Variants in SLC37A2 observed in about 807,000 individuals in gnomAD.
SLC37A2 encodes glucose-6-phosphate exchanger SLC37A2.
A neutral mutation model predicts 70.7 loss-of-function variants in SLC37A2; 59 were observed. The observed-to-expected ratio is 0.83, with a 90% confidence interval of 0.68 to 1.04. The LOEUF (loss-of-function observed/expected upper bound fraction) is 1.04. Ranked by LOEUF, SLC37A2 falls within the 50% of genes least tolerant of loss-of-function variation. SLC37A2 has a pLI of 0.00. For synonymous variants in SLC37A2, 257 were observed against 262.1 expected (o/e 0.98, Z 0.19); for missense variants, 580 against 658.1 (o/e 0.88, Z 1.30).
intron 1 of SLC37A2, among the ~76,000 whole-genome samples, chr11:125,074,735 A>C (rs1361834701): frequency 6.6e-6 from 1 of 152,136 alleles, no homozygotes; most frequent in Non-Finnish European, 1.5e-5. Flanking sequence ...CTGGCTTCCT[A>C]GTCAACACCA....
chr11:125,066,607 G>T (rs535574706), intron 1 of SLC37A2, among the ~76,000 whole-genome samples: 1 of 152,258 alleles, frequency 6.6e-6, no homozygotes, highest in East Asian at 1.9e-4. Flanking sequence ...AGGAAATTTG[G>T]TTGCTTCTGT....
chr11:125,079,034 G>GGCAGAA, intron 4 of SLC37A2, 78 bp from the exon 5 acceptor site: 1 of 1,591,156 alleles, frequency 6.3e-7, no homozygotes, highest in African/African-American at 1.3e-5. Context: ...TTCCTAGCGT[G>GGCAGAA]GTGGGGGCAG....
rs1287317602 is a variant in SLC37A2 at position 125,089,617 on chromosome 11, G to A, written c.*1483G>A. The A allele has an allele frequency of 2.0e-5, 3 of 153,336 alleles. No homozygotes were observed. The highest frequency in any genetic ancestry group is 3.8e-4 in the East Asian group (2 of 5,222). The allele number at this position is 153,336 out of a possible 1,614,324, so 9.5% of individuals were successfully genotyped here. On this transcript the variant is annotated 3_prime_UTR_variant, in exon 18 of 18. Coordinates refer to ENST00000403796, the MANE Select transcript of SLC37A2 (RefSeq NM_001145290.2). ...AGCCGGCCGGCCCTTCCGGCCCCGG[G>A]CAGTGAGGGACTTGGCACCCGGGCC...
Position 125,077,210 on chromosome 11 carries a change from A to G in SLC37A2, c.142-20A>G, listed in dbSNP as rs1000808860. The G allele has an allele frequency of 2.6e-6, 4 of 1,553,564 alleles. No homozygotes were observed. The highest frequency in any genetic ancestry group is 1.4e-5 in the African/African-American group (1 of 72,680). On this transcript the variant is annotated intron_variant, in intron 2 of 17. Transcript: ENST00000403796. Reference sequence around the variant, plus strand: ...CCCTCTGGGTCAACCCCTGACCTGTATGTCCCATTGCCTATCCAGAGCCGT... The same window carrying G: ...CCCTCTGGGTCAACCCCTGACCTGTGTGTCCCATTGCCTATCCAGAGCCGT...
At chr11:125,072,825 G>A (rs1291440457) in intron 1 of SLC37A2, among the ~76,000 whole-genome samples, 1 of 152,236 alleles carries the variant, frequency 6.6e-6, no homozygotes, top group Non-Finnish European at 1.5e-5. Context: ...GGAATGGATA[G>A]AGCACCAGAC....
At position 125,063,470 on chromosome 11, in the gene SLC37A2, T is replaced by C. The variant is rs774878582; in HGVS notation, c.59+44T>C. On this transcript the variant is annotated intron_variant, in intron 1 of 17. Transcript: ENST00000403796. This position sits in a 1 kb window ranked among gnomAD's most constrained non-coding sequence, Gnocchi z 5.4. ...GGAGGCGTGCCGGGACCTCCTGGGC[T>C]CGGGGCTTGCAGGGGCCGCGGGGGG... 8.2e-6 allele frequency: 13 copies of C among 1,576,676 alleles called. No homozygotes were observed. Among genetic ancestry groups the C allele is most frequent in the Non-Finnish European group, 1.0e-5 (12 of 1,158,944 alleles).
Position 125,077,504 on chromosome 11 carries a change from C to T in SLC37A2, c.290C>T (p.Ala97Val), listed in dbSNP as rs766483227. 11 of 1,613,778 alleles carry T rather than the reference C, an allele frequency of 6.8e-6. No individual in the cohort carries two copies. The highest frequency in any genetic ancestry group is 1.7e-6 in the Non-Finnish European group (2 of 1,179,872). Residue 97 changes from alanine to valine, a missense_variant, in exon 4 of 18, where the codon GCC (alanine) becomes GTC (valine). Transcript: ENST00000403796. ...LGGVDNAFLIAYAIGMFISGV... is the reference protein window; with the variant it reads ...LGGVDNAFLIVYAIGMFISGV... ...GGCGTGGACAACGCCTTCCTCATCG[C>T]CTATGCCATCGGCATGTTCATCAGG...
chr11:125,080,560 A>G lies in SLC37A2; in HGVS notation c.528-54A>G. ...TTGGCTGGGGCAGTTGCTATGAACAATGTGCTTTGCTTTTTACTTTTTATA... is the reference window on the plus strand; with the variant it reads ...TTGGCTGGGGCAGTTGCTATGAACAGTGTGCTTTGCTTTTTACTTTTTATA... On this transcript the variant is annotated intron_variant, in intron 6 of 17. Coordinates refer to ENST00000403796, the MANE Select transcript of SLC37A2 (RefSeq NM_001145290.2). The surrounding 1 kb of genome is among the most constrained non-coding windows in gnomAD (Gnocchi z 4.3). 7 of 1,397,378 alleles carry G rather than the reference A, an allele frequency of 5.0e-6. No homozygotes were observed. The highest frequency in any genetic ancestry group is 6.6e-6 in the Non-Finnish European group (7 of 1,062,874). 86.6% of individuals were successfully genotyped at this position (1,397,378 alleles called of 1,614,324 possible). A position where few individuals can be genotyped will look rare whatever the true frequency, so the allele number is the denominator to read the frequency against.
At position 125,080,044 on chromosome 11, in the gene SLC37A2, A is replaced by T. The variant is rs574239516; in HGVS notation, c.527+284A>T. Among the ~76,000 whole-genome samples, 8 of 152,242 alleles carry T rather than the reference A, an allele frequency of 5.3e-5. No individual in the cohort carries two copies. In the South Asian group the frequency reaches 1.7e-3, roughly 32 times the overall value. ...CTATAAAACTTCCGCCCTGCCCCCC[A>T]ACCCCGACCCCGAATTGGCTTGTGT... On this transcript the variant is annotated intron_variant, in intron 6 of 17. Transcript: ENST00000403796. The surrounding 1 kb of genome is among the most constrained non-coding windows in gnomAD (Gnocchi z 4.3).
intron 1 of SLC37A2, among the ~76,000 whole-genome samples, chr11:125,064,151 C>T (rs567425554): frequency 1.3e-5 from 2 of 152,164 alleles, no homozygotes; most frequent in Non-Finnish European, 2.9e-5. Flanking sequence ...CCATTATTTA[C>T]AAATCATAAA....
At chr11:125,084,450 C>A in intron 12 of SLC37A2, 131 bp downstream of exon 12, 1 of 951,216 alleles carries the variant, frequency 1.1e-6, no homozygotes. Context: ...CATCATTGTG[C>A]ACACACGGGG....
At chr11:125,075,475 G>A (rs1949074069) in intron 1 of SLC37A2, among the ~76,000 whole-genome samples, 1 of 152,260 alleles carries the variant, frequency 6.6e-6, no homozygotes, top group East Asian at 1.9e-4. Flanking sequence ...GGTGGCCAGA[G>A]AGGCCGGGGC....
chr11:125,087,334 G>C (rs1329429123), intron 17 of SLC37A2: 1 of 152,456 alleles, frequency 6.6e-6, no homozygotes, highest in African/African-American at 2.4e-5. Flanking sequence ...GGCTGGTCCT[G>C]CTCCATGGGA....
intron 1 of SLC37A2, among the ~76,000 whole-genome samples, chr11:125,074,624 G>T (rs1030511843): frequency 2.0e-5 from 3 of 151,794 alleles, no homozygotes; most frequent in African/African-American, 7.3e-5. Context: ...TTGGGGGAGT[G>T]GGGTGGGAGG....
At chr11:125,070,603 A>C (rs183576758) in intron 1 of SLC37A2, among the ~76,000 whole-genome samples, 1 of 152,308 alleles carries the variant, frequency 6.6e-6, no homozygotes, top group East Asian at 1.9e-4. Flanking sequence ...TTTCCTGTTG[A>C]CTGCAAAGAG....
At chr11:125,079,652 C>T in intron 5 of SLC37A2, 32 bp from the exon 6 acceptor site, 1 of 1,555,454 alleles carries the variant, frequency 6.4e-7, no homozygotes, top group Non-Finnish European at 8.8e-7. Context: ...CAGCCCAGGC[C>T]TGTTCCCACC....
intron 1 of SLC37A2, among the ~76,000 whole-genome samples, chr11:125,066,833 T>G (rs1368274040): frequency 1.3e-5 from 2 of 152,194 alleles, no homozygotes; most frequent in Admixed American, 6.5e-5. Flanking sequence ...TCAGTAAGCT[T>G]AACATAAGTT....
In SLC37A2 at chr11:125,063,405, G is replaced by A. The variant is rs1257166715; in HGVS notation, c.38G>A (p.Arg13Gln). 2 of 1,611,750 alleles carry A rather than the reference G, an allele frequency of 1.2e-6. No individual in the cohort carries two copies. Among genetic ancestry groups the A allele is most frequent in the African/African-American group, 1.3e-5 (1 of 74,700 alleles). ...SSLAPGVWFFRAFSRDSWFRG... is the reference protein window; with the variant it reads ...SSLAPGVWFFQAFSRDSWFRG... ...CTGGCTCCGGGAGTCTGGTTCTTCC[G>A]GGCCTTCTCCAGGGACAGCTGGTGA... Residue 13 changes from arginine (R) to glutamine (Q), a missense_variant, in exon 1 of 18, where the codon CGG (arginine) becomes CAG (glutamine). By Grantham distance (43) the Arg-to-Gln change is conservative (BLOSUM62 1). Coordinates refer to ENST00000403796, the MANE Select transcript of SLC37A2 (RefSeq NM_001145290.2). The surrounding 1 kb of genome is among the most constrained non-coding windows in gnomAD (Gnocchi z 5.4).
intron 16 of SLC37A2, 91 bp downstream of exon 16, chr11:125,085,765 G>T: frequency 6.9e-7 from 1 of 1,439,206 alleles, no homozygotes; most frequent in Non-Finnish European, 9.7e-7. Context: ...GGCCATTTGG[G>T]GTTCTGGGGC....
Sources: gnomAD v4.1 joint callset for allele counts (sites outside exome capture counted in the v4.1 genomes callset) on GRCh38, gnomAD v4.1.1 for gene constraint, Gnocchi (gnomAD v3.1) non-coding constraint, MANE v1.5 for transcripts, NCBI Gene and HGNC (gene_info 2026-07-23, HGNC 2026-07-21) for gene names.